ARHGEF7: variants seen among roughly 807,000 people sequenced by gnomAD.
ARHGEF7 encodes Rho guanine nucleotide exchange factor 7.
In ARHGEF7, 33 loss-of-function variants were observed where a neutral mutation model predicts 109.8. The ratio of observed to expected loss-of-function variants is 0.30; its 90% CI spans 0.23 to 0.40. The LOEUF is 0.40. ARHGEF7 is among the 10% of genes least tolerant of loss of function. The pLI is 1.00. For missense variants in ARHGEF7, 938 were observed against 1,098.5 expected (o/e 0.85, Z 2.07); for synonymous variants, 458 against 424.6 (o/e 1.08, Z -0.97).
chr13:111,283,560 G>T (rs1247329080), intron 16 of ARHGEF7, among the ~76,000 whole-genome samples, 197 bp downstream of exon 16: 1 of 152,230 alleles, frequency 6.6e-6, no homozygotes, highest in African/African-American at 2.4e-5. Flanking sequence ...GTGGGAAGGC[G>T]ATGTGCAGGG....
Position 111,118,406 on chromosome 13 carries a change from C to T in ARHGEF7, c.165+2715C>T, listed in dbSNP as rs551804205. Among the ~76,000 whole-genome samples the T allele has an allele frequency of 6.6e-5, 10 of 152,326 alleles. No homozygotes were observed. In the South Asian group the frequency reaches 2.1e-3, roughly 32 times the overall value. On this transcript the variant is annotated intron_variant, in intron 1 of 21. Coordinates refer to ENST00000646102, the MANE Select transcript of ARHGEF7 (RefSeq NM_001354046.2). ...GATGGAATTATAAACTTTACATGAA[C>T]AGTTCAGAAAAGAGACACTTTTCAT...
intron 2 of ARHGEF7, among the ~76,000 whole-genome samples, chr13:111,165,428 G>A (rs74709960): frequency 0.035 from 5,385 of 152,286 alleles, 142 homozygotes; most frequent in Non-Finnish European, 0.05. Context: ...TGTTCAGCAA[G>A]TACTGGCAGC....
At position 111,237,680 on chromosome 13, in the gene ARHGEF7, C is replaced by T. The variant is rs145974515; in HGVS notation, c.759+4387C>T. On this transcript the variant is annotated intron_variant, in intron 6 of 21. Transcript: ENST00000646102. Reference sequence around the variant, plus strand: ...GATGAACAGTACCAGAATGATTAAGCGATCAGTGGTTTGTCCATTTGTAGT... The same window carrying T: ...GATGAACAGTACCAGAATGATTAAGTGATCAGTGGTTTGTCCATTTGTAGT... Among the ~76,000 whole-genome samples, 465 of 152,204 alleles carry T rather than the reference C, an allele frequency of 3.1e-3. 1 individual carries two copies. Among genetic ancestry groups the T allele is most frequent in the South Asian group, 0.011 (54 of 4,804 alleles).
chr13:111,286,277 C>T (rs1208382662), intron 17 of ARHGEF7, 37 bp downstream of exon 17: 8 of 1,540,832 alleles, frequency 5.2e-6, no homozygotes, highest in Non-Finnish European at 7.2e-6. Context: ...AGGACGTGGC[C>T]TCCTGGTCAC....
intron 5 of ARHGEF7, among the ~76,000 whole-genome samples, chr13:111,229,761 CTTT>C (rs956758636): frequency 2.0e-5 from 3 of 152,112 alleles, no homozygotes; most frequent in African/African-American, 7.2e-5. Context: ...TTCCCGGAGA[CTTT>C]TTTGTCCCAG....
intron 2 of ARHGEF7, among the ~76,000 whole-genome samples, chr13:111,198,401 C>T (rs1359802536): frequency 2.6e-5 from 4 of 152,132 alleles, no homozygotes; most frequent in Admixed American, 6.5e-5. Context: ...CGTGGACACT[C>T]GCGGTGAGTG....
chr13:111,294,908 TATTA>T (rs1378534486), intron 19 of ARHGEF7: 38 of 985,896 alleles, frequency 3.9e-5, no homozygotes, highest in Admixed American at 6.1e-5. Context: ...TAATAAGCTA[TATTA>T]ATTGTGTTTT....
At chr13:111,215,201 A>G (rs1212366586) in intron 4 of ARHGEF7, among the ~76,000 whole-genome samples, 1 of 152,128 alleles carries the variant, frequency 6.6e-6, no homozygotes, top group African/African-American at 2.4e-5. Flanking sequence ...TCTAGCATCC[A>G]TGACTTCTGA....
chr13:111,119,260 AT>A (rs1238628322), intron 1 of ARHGEF7, among the ~76,000 whole-genome samples: 18 of 152,220 alleles, frequency 1.2e-4, no homozygotes, highest in African/African-American at 3.9e-4. Flanking sequence ...TTACATCTGC[AT>A]TAACTTCATT....
chr13:111,225,514 T>G (rs2085082984), intron 5 of ARHGEF7, among the ~76,000 whole-genome samples: 2 of 146,910 alleles, frequency 1.4e-5, no homozygotes, highest in Non-Finnish European at 3.0e-5. Flanking sequence ...GTTTTTTTGT[T>G]TTTTTTTTTT....
chr13:111,118,097 T>C (rs1220123553), intron 1 of ARHGEF7, among the ~76,000 whole-genome samples: 2 of 152,266 alleles, frequency 1.3e-5, no homozygotes, highest in Non-Finnish European at 2.9e-5. Flanking sequence ...GCCTGCAGCC[T>C]TCGCCTCTGC....
intron 2 of ARHGEF7, among the ~76,000 whole-genome samples, chr13:111,186,655 G>A (rs1594449133): frequency 2.0e-5 from 3 of 152,160 alleles, no homozygotes; most frequent in Non-Finnish European, 4.4e-5. Flanking sequence ...ACAGTGATAG[G>A]ACAAAATTAT....
chr13:111,115,727 G>T (rs780999791), intron 1 of ARHGEF7, 36 bp downstream of exon 1: 3 of 1,113,676 alleles, frequency 2.7e-6, no homozygotes, highest in South Asian at 8.4e-5. Flanking sequence ...CGCGCCCCCC[G>T]GTCCGGCCCG....
intron 17 of ARHGEF7, 23 bp from the exon 18 acceptor site, chr13:111,288,331 A>C: frequency 6.3e-7 from 1 of 1,593,854 alleles, no homozygotes; most frequent in Non-Finnish European, 8.6e-7. Flanking sequence ...TTCGACTGTG[A>C]ACTGTTGCGC....
In ARHGEF7 at chr13:111,273,567, A is replaced by G. The variant is rs760336785; in HGVS notation, c.1074-247A>G. 3.9e-5 allele frequency among the ~76,000 whole-genome samples: 6 copies of G among 152,230 alleles called. No individual in the cohort carries two copies. The highest frequency in any genetic ancestry group is 6.5e-5 in the Admixed American group (1 of 15,286). On this transcript the variant is annotated intron_variant, in intron 9 of 21. Coordinates refer to ENST00000646102, the MANE Select transcript of ARHGEF7 (RefSeq NM_001354046.2). The surrounding 1 kb of genome is among the most constrained non-coding windows in gnomAD (Gnocchi z 4.5). ...CATCAGTAGGATCTCATGGAGACCC[A>G]CATGTCCTGTGCTGTGTATAGTTAT...
intron 19 of ARHGEF7, chr13:111,293,816 A>G (rs2153629211): frequency 1.0e-6 from 1 of 985,206 alleles, no homozygotes; most frequent in South Asian, 4.7e-5. Context: ...CAGTGTTCTG[A>G]TCTTGTTTGT....
intron 1 of ARHGEF7, among the ~76,000 whole-genome samples, chr13:111,135,142 C>T (rs906842923): frequency 6.9e-4 from 105 of 152,312 alleles, no homozygotes; most frequent in Admixed American, 2.0e-3. Flanking sequence ...GGGCTCTGTT[C>T]TGTTCCATTG....
At chr13:111,212,326 G>A (rs895765059) in intron 4 of ARHGEF7, among the ~76,000 whole-genome samples, 4 of 152,120 alleles carry the variant, frequency 2.6e-5, no homozygotes, top group Non-Finnish European at 5.9e-5. Flanking sequence ...TCTTTATCCA[G>A]TTCGGCTCTG....
intron 5 of ARHGEF7, 27 bp downstream of exon 5, chr13:111,217,907 T>A (rs1327160438): frequency 6.3e-7 from 1 of 1,587,968 alleles, no homozygotes; most frequent in Admixed American, 1.7e-5. Context: ...GGGCTGTGTG[T>A]GGCTTTTTGC....
Sources: gnomAD v4.1 joint callset for allele counts (sites outside exome capture counted in the v4.1 genomes callset) on GRCh38, gnomAD v4.1.1 for gene constraint, Gnocchi (gnomAD v3.1) non-coding constraint, MANE v1.5 for transcripts, NCBI Gene and HGNC (gene_info 2026-07-23, HGNC 2026-07-21) for gene names.